Variants in ATXN2 observed in about 807,000 individuals in gnomAD.
ATXN2 encodes the protein ataxin-2.
In ATXN2, 37 loss-of-function variants were observed where a neutral mutation model predicts 138.6. The observed-to-expected ratio is 0.27, with a 90% CI of 0.21 to 0.35. ATXN2 has a LOEUF of 0.35. Among genes scored for constraint, ATXN2 ranks in the 10% least tolerant of loss-of-function variants. The probability of loss-of-function intolerance (pLI) is 1.00; values close to 1 mark genes in which losing one functional copy is unlikely to be tolerated. For synonymous variants in ATXN2, 549 were observed against 543.7 expected (o/e 1.01, Z -0.13); for missense variants, 1,216 against 1,480.3 (o/e 0.82, Z 2.93).
chr12:111,495,922 T>C (rs759325047), intron 14 of ATXN2, among the ~76,000 whole-genome samples: 4 of 151,586 alleles, frequency 2.6e-5, no homozygotes, highest in Non-Finnish European at 5.9e-5. Context: ...AATAGGTGGA[T>C]TGCTTGAGCT....
chr12:111,483,452 CTT>C (rs927752030), intron 18 of ATXN2, among the ~76,000 whole-genome samples: 21 of 107,214 alleles, frequency 2.0e-4, no homozygotes, highest in African/African-American at 7.2e-4. Context: ...TAAAAGAACT[CTT>C]TTTTTTTTTT....
intron 11 of ATXN2, chr12:111,512,964 T>C (rs1879629710): frequency 5.9e-6 from 1 of 170,810 alleles, no homozygotes; most frequent in African/African-American, 2.4e-5. Flanking sequence ...GCTAAAAAGA[T>C]AAGGAAATAC....
rs1885079357 is a variant in ATXN2, at chr12:111,598,853, G to A, written c.182C>T (p.Ser61Leu). Residue 61 changes from serine (S) to leucine (L), a missense_variant, in exon 1 of 25, where the codon TCG becomes TTG. Physicochemically the swap from Ser to Leu is moderately radical, Grantham distance 145. Around this residue, in one of 4 missense-constraint regions of ATXN2, gnomAD observed 110 missense variants for 88.7 expected, o/e 1.24. Transcript: ENST00000673436. This position sits in a 1 kb window ranked among gnomAD's most constrained non-coding sequence, Gnocchi z 4.5. ...APSPSSSSVS[S>L]SSATAPSSVV... ...CGAGGAGGGAGCCGTGGCCGAGGAC[G>A]AGGAGACCGAGGACGAGGACGGCGA... 3 of 1,482,914 alleles carry A rather than the reference G, an allele frequency of 2.0e-6. No individual in the cohort carries two copies. Among genetic ancestry groups the A allele is most frequent in the African/African-American group, 2.9e-5 (2 of 68,268 alleles). 91.9% of individuals were successfully genotyped at this position (1,482,914 alleles called of 1,614,324 possible). A position where few individuals can be genotyped will look rare whatever the true frequency, so the allele number is the denominator to read the frequency against.
chr12:111,572,026 A>AG (rs57081594), intron 1 of ATXN2, among the ~76,000 whole-genome samples: 9,401 of 148,896 alleles, frequency 0.063, 1,213 homozygotes, highest in East Asian at 0.56. Flanking sequence ...AAAAAAAAAA[A>AG]GGGGCTTTTA....
chr12:111,581,135 C>CAAAA (rs1016431358), intron 1 of ATXN2, among the ~76,000 whole-genome samples: 1 of 57,872 alleles, frequency 1.7e-5, no homozygotes, highest in African/African-American at 4.2e-5. Flanking sequence ...GACTCCATCT[C>CAAAA]AAAAAAAAAA....
In ATXN2 at chr12:111,552,996, T is replaced by G. The variant is rs769944737; in HGVS notation, c.349-19A>C. The G allele has an allele frequency of 6.7e-7, 1 of 1,495,540 alleles. No homozygotes were observed. The allele number at this position is 1,495,540 out of a possible 1,614,324, so 92.6% of individuals were successfully genotyped here. ...TGGAGCCCTAAAAACATATAATTTA[T>G]TTATCAAAGAAACAGTATACTACCC... On this transcript the variant is annotated intron_variant, in intron 3 of 24. Transcript: ENST00000673436. This position sits in a 1 kb window ranked among gnomAD's most constrained non-coding sequence, Gnocchi z 4.1.
intron 5 of ATXN2, among the ~76,000 whole-genome samples, chr12:111,537,095 C>CT (rs1396555140): frequency 1.3e-5 from 2 of 151,940 alleles, no homozygotes; most frequent in East Asian, 1.9e-4. Flanking sequence ...CACACAAAAA[C>CT]TTTAAAAGTC....
intron 1 of ATXN2, among the ~76,000 whole-genome samples, chr12:111,576,530 C>G (rs1177641089): frequency 2.0e-5 from 3 of 152,048 alleles, no homozygotes; most frequent in Non-Finnish European, 4.4e-5. Flanking sequence ...GTCACCCAGG[C>G]TGAAGTACAG....
rs1230617220 is a variant in ATXN2, at chr12:111,464,690, CTTG to C, written c.2865_2867del (p.Asn955del). 5 of 1,610,740 alleles carry C rather than the reference CTTG, an allele frequency of 3.1e-6. No individual in the cohort carries two copies. The highest frequency in any genetic ancestry group is 1.3e-5 in the African/African-American group (1 of 74,854). ...CAAAGTAGAAAGAAGGGCTTGTCTCCTTGTTGTATGGTAATTTGGGACATGCTG... is the reference window on the plus strand; with the variant it reads ...CAAAGTAGAAAGAAGGGCTTGTCTCCTTGTATGGTAATTTGGGACATGCTG... On this transcript the variant is annotated inframe_deletion, in exon 21 of 25. Transcript: ENST00000673436.
At chr12:111,477,057 C>G (rs1240502873) in intron 18 of ATXN2, among the ~76,000 whole-genome samples, 1 of 151,760 alleles carries the variant, frequency 6.6e-6, no homozygotes, top group South Asian at 2.1e-4. Context: ...AATAAAGCTA[C>G]TATGGCTGGG....
At chr12:111,479,012 A>T (rs1877023266) in intron 18 of ATXN2, 3 of 302,260 alleles carry the variant, frequency 9.9e-6, no homozygotes, top group Non-Finnish European at 1.8e-5. Context: ...TCATCTCAAA[A>T]AAAATAAATA....
chr12:111,518,498 C>A, intron 8 of ATXN2, 71 bp from the exon 9 acceptor site: 1 of 1,442,556 alleles, frequency 6.9e-7, no homozygotes, highest in South Asian at 1.4e-5. Flanking sequence ...ATCTAAAAGT[C>A]ATCTAGACAG....
intron 14 of ATXN2, among the ~76,000 whole-genome samples, chr12:111,497,238 G>C (rs1022316937): frequency 2.0e-5 from 3 of 152,100 alleles, no homozygotes; most frequent in Admixed American, 1.3e-4. Context: ...ATAAGAAATA[G>C]TCTCCCAGCA....
chr12:111,481,348 G>A (rs902362346), intron 18 of ATXN2, among the ~76,000 whole-genome samples: 1 of 152,194 alleles, frequency 6.6e-6, no homozygotes, highest in Non-Finnish European at 1.5e-5. Flanking sequence ...GGGAGGGTGA[G>A]GCAGGAGAAT....
chr12:111,595,600 C>CCA (rs1408426604), intron 1 of ATXN2, among the ~76,000 whole-genome samples: 12 of 150,364 alleles, frequency 8.0e-5, no homozygotes, highest in Admixed American at 8.0e-4. Context: ...TGAGATCGTA[C>CCA]CACTGCACTT....
chr12:111,599,282 C>G lies in ATXN2; in HGVS notation c.-248G>C. The G allele has an allele frequency of 1.9e-6, 2 of 1,073,122 alleles. No individual in the cohort carries two copies. Among genetic ancestry groups the G allele is most frequent in the Non-Finnish European group, 2.2e-6 (2 of 891,568 alleles). The allele number at this position is 1,073,122 out of a possible 1,614,324, so 66.5% of individuals were successfully genotyped here. A position where few individuals can be genotyped will look rare whatever the true frequency, so the allele number is the denominator to read the frequency against. ...CGCGCCGCCGCCGTTGCCGTTGCTACCAAAACAGTCTGAGGCGGAGGGAGG... is the reference window on the plus strand; with the variant it reads ...CGCGCCGCCGCCGTTGCCGTTGCTAGCAAAACAGTCTGAGGCGGAGGGAGG... On this transcript the variant is annotated 5_prime_UTR_variant, in exon 1 of 25. Transcript: ENST00000673436.
chr12:111,565,418 A>G (rs1882940624), intron 1 of ATXN2, among the ~76,000 whole-genome samples: 1 of 152,210 alleles, frequency 6.6e-6, no homozygotes, highest in South Asian at 2.1e-4. Flanking sequence ...CGTTATAGTA[A>G]TCTGTAATCA....
intron 18 of ATXN2, among the ~76,000 whole-genome samples, chr12:111,477,917 C>G (rs374983638): frequency 6.6e-6 from 1 of 152,014 alleles, no homozygotes; most frequent in Admixed American, 6.5e-5. Flanking sequence ...CCCCAAGTAG[C>G]TGGGACCATA....
chr12:111,462,370 G>C (rs1409449950), intron 21 of ATXN2, among the ~76,000 whole-genome samples: 1 of 152,154 alleles, frequency 6.6e-6, no homozygotes, highest in Non-Finnish European at 1.5e-5. Flanking sequence ...AGTACAGAAA[G>C]CTGTGTGTTT....
Sources: allele counts gnomAD v4.1 joint callset (sites outside exome capture counted in the v4.1 genomes callset), GRCh38; gene constraint gnomAD v4.1.1; regional missense constraint gnomAD v4.1.1; non-coding constraint Gnocchi (gnomAD v3.1); transcripts MANE v1.5; gene names NCBI Gene and HGNC (gene_info 2026-07-23, HGNC 2026-07-21).